Variants in FHIT observed in about 807,000 individuals in gnomAD.
The protein encoded by FHIT is fragile histidine triad diadenosine triphosphatase.
Under a neutral mutation model 17.9 loss-of-function variants are expected in FHIT, and 19 were observed. The ratio of observed to expected loss-of-function variants is 1.06; its 90% CI spans 0.74 to 1.56. The LOEUF is 1.56. FHIT is among the 40% of genes most tolerant of loss of function. The pLI, the probability that FHIT is intolerant of heterozygous loss-of-function variation, is 0.00. For synonymous variants in FHIT, 81 were observed against 69.7 expected (o/e 1.16, Z -0.81); for missense variants, 248 against 189.2 (o/e 1.31, Z -1.82).
At chr3:59,855,990 C>T (rs1702140521) in intron 8 of FHIT, among the ~76,000 whole-genome samples, 1 of 151,920 alleles carries the variant, frequency 6.6e-6, no homozygotes, top group African/African-American at 2.4e-5. Flanking sequence ...ACTGTGTTAG[C>T]CAAGATGGTC....
At chr3:60,034,629 A>G (rs377486102) in intron 5 of FHIT, among the ~76,000 whole-genome samples, 9 of 152,328 alleles carry the variant, frequency 5.9e-5, no homozygotes, top group African/African-American at 2.2e-4. Flanking sequence ...ATATTATATC[A>G]TTTGGAAAGA....
At chr3:60,538,118 A>C (rs1228181938) in intron 4 of FHIT, among the ~76,000 whole-genome samples, 1 of 152,162 alleles carries the variant, frequency 6.6e-6, no homozygotes, top group Non-Finnish European at 1.5e-5. Context: ...TGATCACAAG[A>C]AGGACCAAGC....
At chr3:59,991,791 A>G (rs538052743) in intron 7 of FHIT, among the ~76,000 whole-genome samples, 1 of 152,038 alleles carries the variant, frequency 6.6e-6, no homozygotes, top group East Asian at 1.9e-4. Context: ...TGCTCAACTC[A>G]CTACTGCCAC....
At chr3:61,084,441 T>C (rs1458706728) in intron 2 of FHIT, among the ~76,000 whole-genome samples, 4 of 152,216 alleles carry the variant, frequency 2.6e-5, no homozygotes, top group Non-Finnish European at 2.9e-5. Flanking sequence ...TTGATTAGAA[T>C]TGCATGAAAT....
intron 8 of FHIT, among the ~76,000 whole-genome samples, chr3:59,846,814 C>T (rs1701737732): frequency 6.6e-6 from 1 of 152,144 alleles, no homozygotes; most frequent in South Asian, 2.1e-4. Context: ...ATTTCTTCTT[C>T]ACTCCTTTAC....
chr3:60,906,454 G>A (rs566519888), intron 3 of FHIT, among the ~76,000 whole-genome samples: 5 of 152,226 alleles, frequency 3.3e-5, no homozygotes, highest in African/African-American at 7.2e-5. Context: ...ATCGCCTAGC[G>A]GCAATGGCAC....
At chr3:60,859,690 C>T (rs1559777311) in intron 3 of FHIT, among the ~76,000 whole-genome samples, 1 of 143,828 alleles carries the variant, frequency 7.0e-6, no homozygotes, top group Admixed American at 7.2e-5. Flanking sequence ...GAGAGCCACC[C>T]TTCAGAAACA....
intron 2 of FHIT, among the ~76,000 whole-genome samples, chr3:61,083,735 A>G (rs72877848): frequency 0.01 from 1,567 of 152,280 alleles, 20 homozygotes; most frequent in African/African-American, 0.034. Flanking sequence ...TTATCAATGG[A>G]ATTATATGAT....
intron 5 of FHIT, among the ~76,000 whole-genome samples, chr3:60,498,185 A>G (rs73101807): frequency 0.09 from 13,754 of 152,244 alleles, 702 homozygotes; most frequent in East Asian, 0.1. Context: ...AACCAGTTTA[A>G]ATACTATTTT....
chr3:60,464,609 G>A (rs1216533496), intron 5 of FHIT, among the ~76,000 whole-genome samples: 1 of 152,074 alleles, frequency 6.6e-6, no homozygotes, highest in Admixed American at 6.6e-5. Context: ...GAGAACATGT[G>A]ATGTTTGTCT....
intron 5 of FHIT, among the ~76,000 whole-genome samples, chr3:60,388,994 T>C (rs1403535865): frequency 6.6e-6 from 1 of 152,196 alleles, no homozygotes; most frequent in Non-Finnish European, 1.5e-5. Context: ...CTGCCTACTT[T>C]TAGTCATCCT....
chr3:61,130,684 A>G (rs2036738437), intron 2 of FHIT, among the ~76,000 whole-genome samples: 1 of 152,212 alleles, frequency 6.6e-6, no homozygotes, highest in Non-Finnish European at 1.5e-5. Context: ...CTCAATACAC[A>G]AGAGCTAAAG....
intron 5 of FHIT, among the ~76,000 whole-genome samples, chr3:60,262,284 A>C (rs1706344202): frequency 6.6e-6 from 1 of 152,028 alleles, no homozygotes; most frequent in African/African-American, 2.4e-5. Flanking sequence ...ATCAAAATGA[A>C]TTTCTTAATG....
At chr3:60,636,046 G>A (rs2039575750) in intron 4 of FHIT, among the ~76,000 whole-genome samples, 2 of 151,674 alleles carry the variant, frequency 1.3e-5, no homozygotes, top group African/African-American at 2.4e-5. Context: ...ATCCTGTGCA[G>A]AATCAATTAA....
At chr3:60,178,030 C>G (rs13101019) in intron 5 of FHIT, among the ~76,000 whole-genome samples, 26,621 of 152,112 alleles carry the variant, frequency 0.18, 2,587 homozygotes, top group South Asian at 0.31. Flanking sequence ...TGGTTTCATA[C>G]CTGGCAGCAC....
chr3:60,526,862 G>C (rs894518122), intron 5 of FHIT, among the ~76,000 whole-genome samples: 2 of 152,134 alleles, frequency 1.3e-5, no homozygotes, highest in African/African-American at 4.8e-5. Flanking sequence ...TCCCCCAAGA[G>C]ATGTGACTTT....
intron 2 of FHIT, among the ~76,000 whole-genome samples, chr3:61,077,137 G>A (rs181208627): frequency 6.0e-4 from 92 of 152,242 alleles, no homozygotes; most frequent in African/African-American, 2.1e-3. Context: ...TTGATGGAAG[G>A]ATAAATGAAG....
chr3:60,486,546 T>A (rs777484084), intron 5 of FHIT, among the ~76,000 whole-genome samples: 13 of 152,108 alleles, frequency 8.5e-5, no homozygotes, highest in Non-Finnish European at 1.6e-4. Context: ...AAAGAAAGCA[T>A]TGCATACCAT....
intron 7 of FHIT, among the ~76,000 whole-genome samples, chr3:59,992,967 A>G (rs771083445): frequency 3.9e-5 from 6 of 152,060 alleles, no homozygotes; most frequent in Non-Finnish European, 8.8e-5. Flanking sequence ...TAGTTATTCT[A>G]CCCGTAAGAA....
Sources: gnomAD v4.1 joint callset for allele counts (sites outside exome capture counted in the v4.1 genomes callset) on GRCh38, gnomAD v4.1.1 for gene constraint, MANE v1.5 for transcripts, NCBI Gene and HGNC (gene_info 2026-07-23, HGNC 2026-07-21) for gene names.